The following ZNF254 variants were observed in gnomAD, a reference collection of about 807,000 sequenced individuals.
ZNF254 encodes zinc finger protein 254, also known as CTD-2017D11.1.
Under a neutral mutation model 12.4 loss-of-function variants are expected in ZNF254, and 10 were observed. The observed-to-expected ratio is 0.80, with a 90% CI of 0.50 to 1.36. The LOEUF is 1.36. ZNF254 is among the 40% of genes most tolerant of loss of function. The pLI is 0.00. For synonymous variants in ZNF254, 305 were observed against 253.4 expected, an observed-to-expected ratio of 1.20 and a Z score of -1.93; for missense variants, 996 against 763.9, an observed-to-expected ratio of 1.30 and a Z score of -3.58.
chr19:24,064,797 G>A (rs904462828), intron 2 of ZNF254: 3 of 152,212 alleles, frequency 2.0e-5, no homozygotes, highest in African/African-American at 7.2e-5. Context: ...AAAGTGCTGG[G>A]ATTACCGGTG....
intron 1 of ZNF254, among the ~76,000 whole-genome samples, chr19:24,090,150 A>G (rs894049187): frequency 1.3e-5 from 2 of 152,018 alleles, no homozygotes; most frequent in African/African-American, 4.8e-5. Flanking sequence ...GTGAGTGGAT[A>G]TCACGCCACT....
intron 1 of ZNF254, among the ~76,000 whole-genome samples, chr19:24,043,267 A>T (rs73017361): frequency 0.049 from 7,348 of 149,382 alleles, 252 homozygotes; most frequent in Non-Finnish European, 0.077. Flanking sequence ...CCAAAAAAAA[A>T]TTTTTTTTTT....
At chr19:24,125,357 C>T (rs1974761957) in intron 3 of ZNF254, among the ~76,000 whole-genome samples, 1 of 149,664 alleles carries the variant, frequency 6.7e-6, no homozygotes, top group Non-Finnish European at 1.5e-5. Flanking sequence ...GTTTCTGTTC[C>T]CATTTTAATC....
At chr19:24,067,916 G>A (rs1375092687) in intron 2 of ZNF254, among the ~76,000 whole-genome samples, 2 of 152,166 alleles carry the variant, frequency 1.3e-5, no homozygotes, top group Non-Finnish European at 2.9e-5. Context: ...AGGTAGTGAT[G>A]TGACTCTTCA....
At chr19:24,036,460 A>G (rs866363607) in intron 1 of ZNF254, among the ~76,000 whole-genome samples, 9 of 152,144 alleles carry the variant, frequency 5.9e-5, no homozygotes, top group African/African-American at 2.2e-4. Flanking sequence ...AGAAGTATAG[A>G]TGAGACCCTA....
intron 3 of ZNF254, among the ~76,000 whole-genome samples, chr19:24,121,049 A>AT (rs903003121): frequency 3.3e-5 from 5 of 151,962 alleles, no homozygotes; most frequent in African/African-American, 9.7e-5. Flanking sequence ...ATCATGTAGC[A>AT]TTTTTTTGTA....
chr19:24,127,264 A>G lies in ZNF254; in HGVS notation c.1264A>G (p.Thr422Ala), dbSNP rs753792606. 6.2e-7 allele frequency: 1 copy of G among 1,613,512 alleles called. No homozygotes were observed. Among genetic ancestry groups the G allele is most frequent in the South Asian group, 1.1e-5 (1 of 91,042 alleles). Residue 422 changes from threonine (T) to alanine (A), a missense_variant, in exon 4 of 4, where the codon ACT becomes GCT. Coordinates refer to ENST00000357002, the MANE Select transcript of ZNF254 (RefSeq NM_203282.4). ...AGGTTTTAATCGATCTTCAAATCTT[A>G]CTACACATAAGATAATTCATACTGG... ...GKGFNRSSNL[T>A]THKIIHTGEK... is the part of the protein sequence containing the mutation.
chr19:24,036,623 A>G (rs1290420280), intron 1 of ZNF254, among the ~76,000 whole-genome samples: 1 of 152,150 alleles, frequency 6.6e-6, no homozygotes, highest in Admixed American at 6.5e-5. Context: ...AACTCCACAC[A>G]TTTGTTGTCA....
At chr19:24,123,004 G>T (rs1599763836) in intron 3 of ZNF254, among the ~76,000 whole-genome samples, 1 of 151,694 alleles carries the variant, frequency 6.6e-6, no homozygotes, top group Non-Finnish European at 1.5e-5. Flanking sequence ...TTTGAAGATT[G>T]TTGGGTACTT....
intron 1 of ZNF254, among the ~76,000 whole-genome samples, chr19:24,037,560 A>T (rs1378256431): frequency 6.6e-6 from 1 of 151,958 alleles, no homozygotes; most frequent in Non-Finnish European, 1.5e-5. Flanking sequence ...TATCCTCCCA[A>T]GTAGCTGAGA....
intron 3 of ZNF254, among the ~76,000 whole-genome samples, chr19:24,123,720 A>C (rs1027757227): frequency 1.9e-4 from 29 of 152,006 alleles, no homozygotes; most frequent in African/African-American, 7.0e-4. Flanking sequence ...TTGGAGTTTA[A>C]ATTTAAAGTA....
chr19:24,122,770 C>G (rs1180124680), intron 3 of ZNF254, among the ~76,000 whole-genome samples: 3 of 152,030 alleles, frequency 2.0e-5, no homozygotes. Context: ...AAGAAATCTG[C>G]CTTGCTTTTA....
At chr19:24,062,377 T>A (rs929204118) in intron 2 of ZNF254, among the ~76,000 whole-genome samples, 29 of 152,206 alleles carry the variant, frequency 1.9e-4, no homozygotes, top group Non-Finnish European at 7.3e-5. Flanking sequence ...CTATCTTATG[T>A]GAACATGTGG....
In ZNF254 at chr19:24,129,531, T is replaced by G. The variant is rs1336094514; in HGVS notation, c.*1551T>G. ...AGAATATTGTTCCTATGGGTTAAATTTTTATTCTTATTTTCACATTTAAAT... is the reference window on the plus strand; with the variant it reads ...AGAATATTGTTCCTATGGGTTAAATGTTTATTCTTATTTTCACATTTAAAT... On this transcript the variant is annotated 3_prime_UTR_variant, in exon 4 of 4. Transcript: ENST00000357002. The G allele has an allele frequency of 1.3e-5, 2 of 151,970 alleles. No homozygotes were observed. Among genetic ancestry groups the G allele is most frequent in the Non-Finnish European group, 1.5e-5 (1 of 67,904 alleles). The allele number at this position is 151,970 out of a possible 1,614,324, so 9.4% of individuals were successfully genotyped here. A position where few individuals can be genotyped will look rare whatever the true frequency, so the allele number is the denominator to read the frequency against.
At chr19:24,113,245 C>T (rs1292784194) in intron 3 of ZNF254, among the ~76,000 whole-genome samples, 1 of 152,168 alleles carries the variant, frequency 6.6e-6, no homozygotes, top group Non-Finnish European at 1.5e-5. Context: ...GAATTTTAGA[C>T]CAATATCCTT....
At chr19:24,090,742 C>T (rs529108800) in intron 1 of ZNF254, among the ~76,000 whole-genome samples, 3 of 152,140 alleles carry the variant, frequency 2.0e-5, no homozygotes, top group South Asian at 2.1e-4. Context: ...CAGCTCACCT[C>T]GGTTTTTTAA....
chr19:24,126,333 A>T lies in ZNF254; in HGVS notation c.333A>T (p.Arg111Ser). 3 of 1,607,600 alleles carry T rather than the reference A, an allele frequency of 1.9e-6. No individual in the cohort carries two copies. ...CTTTTCAAAAAGCAATACTGAGAAG[A>T]TATGGAAAATATGGACATGAGAATT... ...EDSFQKAILR[R>S]YGKYGHENLQ... The change falls in exon 4 of 4, where the codon AGA becomes AGT. Residue 111 changes from arginine to serine, a missense_variant. Coordinates refer to ENST00000357002, the MANE Select transcript of ZNF254 (RefSeq NM_203282.4).
At chr19:24,116,140 G>A (rs918198577) in intron 3 of ZNF254, among the ~76,000 whole-genome samples, 13 of 151,822 alleles carry the variant, frequency 8.6e-5, no homozygotes, top group African/African-American at 1.2e-4. Context: ...TTTTTCCTTC[G>A]TTTCAACTTT....
chr19:24,123,961 A>G (rs9305014), intron 3 of ZNF254, among the ~76,000 whole-genome samples: 22,563 of 151,908 alleles, frequency 0.15, 2,805 homozygotes, highest in African/African-American at 0.34. Flanking sequence ...TCTCAATTTA[A>G]AAGTTAATTT....
Sources: gnomAD v4.1 joint callset for allele counts (sites outside exome capture counted in the v4.1 genomes callset) on GRCh38, gnomAD v4.1.1 for gene constraint, MANE v1.5 for transcripts, NCBI Gene and HGNC (gene_info 2026-07-23, HGNC 2026-07-21) for gene names.